Variants in TMEM174 observed in about 807,000 individuals in gnomAD.
TMEM174 encodes transmembrane protein 174.
TMEM174 carries 11 observed loss-of-function variants against 15.1 expected under a neutral mutation model. That is an observed-to-expected ratio of 0.73 (90% CI 0.46 to 1.20). The LOEUF is 1.20. Among genes scored for constraint, TMEM174 ranks in the 50% most tolerant of loss-of-function variants. The pLI, the probability that TMEM174 is intolerant of heterozygous loss-of-function variation, is 0.00. For missense variants in TMEM174, 321 were observed against 303.6 expected (o/e 1.06, Z -0.43); for synonymous variants, 130 against 121.3 (o/e 1.07, Z -0.47).
Position 73,173,316 on chromosome 5 carries a change from A to G in TMEM174, c.73A>G (p.Thr25Ala). 1 of 1,582,872 alleles carries G rather than the reference A, an allele frequency of 6.3e-7. No individual in the cohort carries two copies. Among genetic ancestry groups the G allele is most frequent in the Non-Finnish European group, 8.6e-7 (1 of 1,163,310 alleles). Residue 25 changes from threonine to alanine, a missense_variant, in exon 1 of 2, where the codon ACC becomes GCC. Coordinates refer to ENST00000296776, the MANE Select transcript of TMEM174 (RefSeq NM_153217.3). ...CTCCGTCACTCCTTACACACCCAGCACCGCTGACATCCAGGTGTCCGATGA... is the reference window on the plus strand; with the variant it reads ...CTCCGTCACTCCTTACACACCCAGCGCCGCTGACATCCAGGTGTCCGATGA... ...VFSVTPYTPS[T>A]ADIQVSDDDK...
In TMEM174 at chr5:73,173,318, C is replaced by T. The variant is rs368792809; in HGVS notation, c.75C>T (p.Thr25=). ...VFSVTPYTPS[T]ADIQVSDDDK... is the part of the protein sequence containing the mutation. Reference sequence around the variant, plus strand: ...CCGTCACTCCTTACACACCCAGCACCGCTGACATCCAGGTGTCCGATGATG... The same window carrying T: ...CCGTCACTCCTTACACACCCAGCACTGCTGACATCCAGGTGTCCGATGATG... The change falls in exon 1 of 2, where the codon ACC becomes ACT. Residue 25 remains threonine, a synonymous_variant. Transcript: ENST00000296776. The T allele has an allele frequency of 1.6e-5, 25 of 1,584,252 alleles. No individual in the cohort carries two copies. In the Admixed American group the frequency reaches 2.1e-4, roughly 13 times the overall value.
In TMEM174 at chr5:73,173,490, G is replaced by A. The variant is rs1554028206; in HGVS notation, c.247G>A (p.Val83Met). The change falls in exon 1 of 2, where the codon GTG (valine) becomes ATG (methionine). Residue 83 changes from valine (V) to methionine (M), a missense_variant. Val to Met is a conservative substitution (Grantham distance 21). Coordinates refer to ENST00000296776, the MANE Select transcript of TMEM174 (RefSeq NM_153217.3). ...TGGGCCCGTCCTGCTGTCAGTTGGG[G>A]TGACATTCATCCTGATTGCTGTGTG... ...LLGPVLLSVG[V>M]TFILIAVCKF... 1 of 1,614,216 alleles carries A rather than the reference G, an allele frequency of 6.2e-7. No individual in the cohort carries two copies. Among genetic ancestry groups the A allele is most frequent in the Admixed American group, 1.7e-5 (1 of 60,022 alleles).
chr5:73,174,106 G>C lies in TMEM174; in HGVS notation c.673G>C (p.Glu225Gln). The change falls in exon 2 of 2, where the codon GAG becomes CAG. Residue 225 changes from glutamate (E) to glutamine (Q), a missense_variant. By Grantham distance (29) the Glu-to-Gln change is conservative. Coordinates refer to ENST00000296776, the MANE Select transcript of TMEM174 (RefSeq NM_153217.3). The part of the protein sequence containing the change: ...DQLEETQLEE[E>Q]ACACFSPPPY... ...GCTAGAAGAGACACAGCTGGAAGAG[G>C]AGGCCTGTGCCTGCTTCTCTCCTCC... 1.2e-6 allele frequency: 2 copies of C among 1,614,088 alleles called. No individual in the cohort carries two copies. Among genetic ancestry groups the C allele is most frequent in the Non-Finnish European group, 1.7e-6 (2 of 1,180,022 alleles).
At position 73,173,558 on chromosome 5, in the gene TMEM174, G is replaced by C; in HGVS notation, c.315G>C (p.Glu105Asp). ...CCTGCCAGTTGTGCAAAGAAAGTGA[G>C]GAAAGGGTCCCGGACTCGGAACAGA... ...MLSCQLCKESEERVPDSEQTP... is the reference protein window; with the variant it reads ...MLSCQLCKESDERVPDSEQTP... Residue 105 changes from glutamate (E) to aspartate (D), a missense_variant, in exon 1 of 2, where the codon GAG becomes GAC. Transcript: ENST00000296776. 1 of 1,614,212 alleles carries C rather than the reference G, an allele frequency of 6.2e-7. No homozygotes were observed. Among genetic ancestry groups the C allele is most frequent in the South Asian group, 1.1e-5 (1 of 91,084 alleles).
rs1745034421 is a variant in TMEM174 at position 73,174,420 on chromosome 5, A to G, written c.*255A>G. 2.1e-6 allele frequency: 1 copy of G among 468,810 alleles called. No individual in the cohort carries two copies. Among genetic ancestry groups the G allele is most frequent in the Non-Finnish European group, 3.8e-6 (1 of 261,244 alleles). 29.0% of individuals were successfully genotyped at this position (468,810 alleles called of 1,614,324 possible). Reference sequence around the variant, plus strand: ...TTCCCTCGGGTAAGAAATCTCCTGTATAAGGTTCAGGAGCAGGAATTTCAC... The same window carrying G: ...TTCCCTCGGGTAAGAAATCTCCTGTGTAAGGTTCAGGAGCAGGAATTTCAC... On this transcript the variant is annotated 3_prime_UTR_variant, in exon 2 of 2. Transcript: ENST00000296776.
At position 73,175,111 on chromosome 5, in the gene TMEM174, T is replaced by C. The variant is rs1357924385; in HGVS notation, c.*946T>C. ...AATCTTTATGACTAAAAGAAACTCA[T>C]CTTCTTCATTAAAAAAACTTTGGTG... On this transcript the variant is annotated 3_prime_UTR_variant, in exon 2 of 2. Transcript: ENST00000296776. 1 of 152,294 alleles carries C rather than the reference T, an allele frequency of 6.6e-6. No individual in the cohort carries two copies. Among genetic ancestry groups the C allele is most frequent in the Non-Finnish European group, 1.5e-5 (1 of 68,038 alleles). The allele number at this position is 152,294 out of a possible 1,614,324, so 9.4% of individuals were successfully genotyped here.
In TMEM174 at chr5:73,173,196, C is replaced by A. The variant is rs371146843; in HGVS notation, c.-48C>A. 14 of 1,511,290 alleles carry A rather than the reference C, an allele frequency of 9.3e-6. No individual in the cohort carries two copies. Among genetic ancestry groups the A allele is most frequent in the Non-Finnish European group, 1.2e-5 (14 of 1,131,300 alleles). The allele number at this position is 1,511,290 out of a possible 1,614,324, so 93.6% of individuals were successfully genotyped here. A position where few individuals can be genotyped will look rare whatever the true frequency, so the allele number is the denominator to read the frequency against. On this transcript the variant is annotated 5_prime_UTR_variant, in exon 1 of 2. Coordinates refer to ENST00000296776, the MANE Select transcript of TMEM174 (RefSeq NM_153217.3). ...AATTTGGACCTGTGATTCCTTGGTT[C>A]TCACAATCCTCTCCACTCTAAGAAG...
Position 73,173,647 on chromosome 5 carries a change from C to T in TMEM174, c.404C>T (p.Thr135Ile). 3 of 1,614,210 alleles carry T rather than the reference C, an allele frequency of 1.9e-6. No individual in the cohort carries two copies. Among genetic ancestry groups the T allele is most frequent in the Non-Finnish European group, 2.5e-6 (3 of 1,180,050 alleles). The change falls in exon 1 of 2, where the codon ACT becomes ATT. Residue 135 changes from threonine (T) to isoleucine (I), a missense_variant. Transcript: ENST00000296776. Reference protein sequence around the residue: ...INQPITFHGATVVQYIPPPYG... With the variant: ...INQPITFHGAIVVQYIPPPYG... ...CAACCCATCACCTTCCATGGGGCCA[C>T]TGTGGTGCAGTACATCCCTCCTCCT... is the stretch of plus-strand genomic sequence containing the variant.
chr5:73,173,728 G>A lies in TMEM174; in HGVS notation c.485G>A (p.Ser162Asn). ...INTSYLQSVV[S>N]PCGLITSGGA... ...ACCAGCTACCTGCAGTCTGTGGTGA[G>A]CCCCTGCGGCCTCATAACCTCTGGA... The change falls in exon 1 of 2, where the codon AGC becomes AAC. Residue 162 changes from serine to asparagine, a missense_variant. Coordinates refer to ENST00000296776, the MANE Select transcript of TMEM174 (RefSeq NM_153217.3). 2 of 1,614,164 alleles carry A rather than the reference G, an allele frequency of 1.2e-6. No homozygotes were observed. The highest frequency in any genetic ancestry group is 1.7e-6 in the Non-Finnish European group (2 of 1,180,022).
At chr5:73,173,962 G>C in intron 1 of TMEM174, 93 bp downstream of exon 1, 1 of 1,599,430 alleles carries the variant, frequency 6.3e-7, no homozygotes, top group Non-Finnish European at 8.5e-7. Flanking sequence ...TTGGGAGACT[G>C]TGAATCTCTT....
At position 73,173,632 on chromosome 5, in the gene TMEM174, C is replaced by T. The variant is rs762007245; in HGVS notation, c.389C>T (p.Thr130Ile). ...FVFTGINQPI[T>I]FHGATVVQYI... ...TTCACTGGCATCAACCAACCCATCA[C>T]CTTCCATGGGGCCACTGTGGTGCAG... The change falls in exon 1 of 2, where the codon ACC becomes ATC. Residue 130 changes from threonine (T) to isoleucine (I), a missense_variant. Physicochemically the swap from Thr to Ile is moderately conservative, Grantham distance 89. Coordinates refer to ENST00000296776, the MANE Select transcript of TMEM174 (RefSeq NM_153217.3). 1 of 1,614,218 alleles carries T rather than the reference C, an allele frequency of 6.2e-7. No homozygotes were observed. Among genetic ancestry groups the T allele is most frequent in the Non-Finnish European group, 8.5e-7 (1 of 1,180,040 alleles).
Position 73,174,179 on chromosome 5 carries a change from A to G in TMEM174, c.*14A>G. On this transcript the variant is annotated 3_prime_UTR_variant, in exon 2 of 2. Transcript: ENST00000296776. The stretch of plus-strand genomic sequence containing the variant: ...CTCCCTCGCTAGAGGCTATTCTGAT[A>G]TAATAACACAATGCTCAGCTCAGGG... The G allele has an allele frequency of 1.9e-6, 3 of 1,607,278 alleles. No homozygotes were observed. Among genetic ancestry groups the G allele is most frequent in the Non-Finnish European group, 2.6e-6 (3 of 1,173,738 alleles).
chr5:73,173,428 A>C lies in TMEM174; in HGVS notation c.185A>C (p.Tyr62Ser). Residue 62 changes from tyrosine (Y) to serine (S), a missense_variant, in exon 1 of 2, where the codon TAC becomes TCC. By Grantham distance (144) the Tyr-to-Ser change is moderately radical. Coordinates refer to ENST00000296776, the MANE Select transcript of TMEM174 (RefSeq NM_153217.3). ...TTCACTGTCATGGGCTGGATCAAAT[A>C]CCAAGGTGTCTCCCACTTTGAATGG... ...ITFTVMGWIK[Y>S]QGVSHFEWTQ... 1 of 1,614,174 alleles carries C rather than the reference A, an allele frequency of 6.2e-7. No individual in the cohort carries two copies. Among genetic ancestry groups the C allele is most frequent in the Non-Finnish European group, 8.5e-7 (1 of 1,180,024 alleles).
Position 73,173,872 on chromosome 5 carries a change from A to G in TMEM174, c.626+3A>G. 1 of 1,610,036 alleles carries G rather than the reference A, an allele frequency of 6.2e-7. No homozygotes were observed. Among genetic ancestry groups the G allele is most frequent in the Non-Finnish European group, 8.5e-7 (1 of 1,177,190 alleles). On this transcript the variant is annotated splice_donor_region_variant and intron_variant, in intron 1 of 1. Coordinates refer to ENST00000296776, the MANE Select transcript of TMEM174 (RefSeq NM_153217.3). ...TTCACGGACGGTGGAAATCACAGGT[A>G]TGGCGTGTCTACTGGGGGAATGCAC...
At position 73,173,224 on chromosome 5, in the gene TMEM174, G is replaced by A. The variant is rs992028771; in HGVS notation, c.-20G>A. 1 of 1,518,432 alleles carries A rather than the reference G, an allele frequency of 6.6e-7. No individual in the cohort carries two copies. Among genetic ancestry groups the A allele is most frequent in the African/African-American group, 1.4e-5 (1 of 71,736 alleles). 94.1% of individuals were successfully genotyped at this position (1,518,432 alleles called of 1,614,324 possible). A position where few individuals can be genotyped will look rare whatever the true frequency, so the allele number is the denominator to read the frequency against. On this transcript the variant is annotated 5_prime_UTR_variant, in exon 1 of 2. Transcript: ENST00000296776. ...ACAATCCTCTCCACTCTAAGAAGCAGGGTGAGCCCACAAGGAGCAATGGAG... is the reference window on the plus strand; with the variant it reads ...ACAATCCTCTCCACTCTAAGAAGCAAGGTGAGCCCACAAGGAGCAATGGAG...
chr5:73,174,170 T>C lies in TMEM174; in HGVS notation c.*5T>C. 1 of 1,608,348 alleles carries C rather than the reference T, an allele frequency of 6.2e-7. No homozygotes were observed. The highest frequency in any genetic ancestry group is 1.1e-5 in the South Asian group (1 of 90,938). On this transcript the variant is annotated 3_prime_UTR_variant, in exon 2 of 2. Transcript: ENST00000296776. ...ATATACTCTCTCCCTCGCTAGAGGC[T>C]ATTCTGATATAATAACACAATGCTC...
chr5:73,174,362 G>T lies in TMEM174; in HGVS notation c.*197G>T. ...CTCAGATTGGTAAAAATTAGGCTGG[G>T]CTGGGGAAATTCTCCTCCGGAACAG... On this transcript the variant is annotated 3_prime_UTR_variant, in exon 2 of 2. Coordinates refer to ENST00000296776, the MANE Select transcript of TMEM174 (RefSeq NM_153217.3). The T allele has an allele frequency of 8.7e-6, 5 of 576,184 alleles. No homozygotes were observed. The highest frequency in any genetic ancestry group is 1.9e-5 in the African/African-American group (1 of 53,566). 35.7% of individuals were successfully genotyped at this position (576,184 alleles called of 1,614,324 possible).
Position 73,173,339 on chromosome 5 carries a change from T to A in TMEM174, c.96T>A (p.Asp32Glu). ...TPSTADIQVS[D>E]DDKAGATLLF... ...GCACCGCTGACATCCAGGTGTCCGA[T>A]GATGACAAGGCGGGGGCCACCTTGC... The change falls in exon 1 of 2, where the codon GAT (aspartate) becomes GAA (glutamate). Residue 32 changes from aspartate (D) to glutamate (E), a missense_variant. By Grantham distance (45) the Asp-to-Glu change is conservative. Transcript: ENST00000296776. 1 of 1,599,684 alleles carries A rather than the reference T, an allele frequency of 6.3e-7. No individual in the cohort carries two copies. The highest frequency in any genetic ancestry group is 8.5e-7 in the Non-Finnish European group (1 of 1,171,306).
intron 1 of TMEM174, 29 bp downstream of exon 1, chr5:73,173,898 T>C: frequency 1.3e-6 from 2 of 1,599,848 alleles, no homozygotes; most frequent in Non-Finnish European, 1.7e-6. Flanking sequence ...GGGAATGCAC[T>C]CCTTCTAGCC....
Sources: gnomAD v4.1 joint callset for allele counts on GRCh38, gnomAD v4.1.1 for gene constraint, MANE v1.5 for transcripts, NCBI Gene and HGNC (gene_info 2026-07-23, HGNC 2026-07-21) for gene names.